The following SZT2 variants were observed in gnomAD, a reference collection of about 807,000 sequenced individuals.
The protein encoded by SZT2 is KICSTOR complex protein SZT2.
Under a neutral mutation model 404.2 loss-of-function variants are expected in SZT2, and 216 were observed. The ratio of observed to expected loss-of-function variants is 0.53; its 90% CI spans 0.48 to 0.60. SZT2 has a LOEUF of 0.60. Ranked by LOEUF, SZT2 falls within the 20% of genes least tolerant of loss-of-function variation. The pLI is 0.00. For synonymous variants in SZT2, 1,693 were observed against 1,749.9 expected (o/e 0.97, Z 0.81); for missense variants, 3,857 against 4,459.2 (o/e 0.86, Z 3.85).
At chr1:43,410,847 C>T (rs1000525536) in intron 4 of SZT2, among the ~76,000 whole-genome samples, 55 of 148,280 alleles carry the variant, frequency 3.7e-4, no homozygotes, top group Non-Finnish European at 5.9e-4. Context: ...CAGTGTATGG[C>T]GAGGAACGGG....
rs1655305635 is a variant in SZT2, at chr1:43,443,449, C to T, written c.8597C>T (p.Pro2866Leu). The stretch of plus-strand genomic sequence containing the variant: ...CCAGCTGCCTGGCTGCATGGGCCCC[C>T]AGAGACCTCTGGACCCCCTGACGGG... ...FDPAAWLHGP[P>L]ETSGPPDGQR... is the part of the protein sequence containing the mutation. The change falls in exon 61 of 72, where the codon CCA (proline) becomes CTA (leucine). Residue 2866 changes from proline (P) to leucine (L), a missense_variant. This residue lies in a region of SZT2 where 717 missense variants were observed against 868.2 expected (regional missense o/e 0.83). Coordinates refer to ENST00000634258, the MANE Select transcript of SZT2 (RefSeq NM_001365999.1). 1 of 1,614,238 alleles carries T rather than the reference C, an allele frequency of 6.2e-7. No homozygotes were observed. The highest frequency in any genetic ancestry group is 8.5e-7 in the Non-Finnish European group (1 of 1,180,032).
Position 43,430,442 on chromosome 1 carries a change from T to A in SZT2, c.4480+53T>A, listed in dbSNP as rs1036368356. The A allele has an allele frequency of 2.5e-6, 4 of 1,604,434 alleles. No individual in the cohort carries two copies. The African/African-American group carries it at 5.4e-5, about 21-fold the overall frequency. On this transcript the variant is annotated intron_variant, in intron 31 of 71. Transcript: ENST00000634258. ...GAAGGCTGGCTGCTTCACGCCGAGA[T>A]TCAAGGGTTCCACTGCCAGCCTCTC...
At position 43,441,830 on chromosome 1, in the gene SZT2, T is replaced by G. The variant is rs1655090399; in HGVS notation, c.7742+12T>G. ...TTTGAGCAGCATTTGTGAGTGTAGA[T>G]CCTATAGAATTGAAGGGAACTCCCC... On this transcript the variant is annotated intron_variant, in intron 55 of 71. Transcript: ENST00000634258. The surrounding 1 kb of genome is among the most constrained non-coding windows in gnomAD (Gnocchi z 4.8). The G allele has an allele frequency of 6.2e-7, 1 of 1,613,650 alleles. No individual in the cohort carries two copies. The highest frequency in any genetic ancestry group is 8.5e-7 in the Non-Finnish European group (1 of 1,179,708).
chr1:43,413,386 A>G (rs1348709785), intron 4 of SZT2, among the ~76,000 whole-genome samples: 2 of 152,198 alleles, frequency 1.3e-5, no homozygotes, highest in African/African-American at 4.8e-5. Context: ...CATCTCAAAC[A>G]AAAAACAAAA....
Position 43,453,815 on chromosome 1 carries a change from C to T in SZT2, c.*3335C>T, listed in dbSNP as rs182798940. 83,850 of 1,232,784 alleles carry T rather than the reference C, an allele frequency of 0.068. 3,141 individuals carry two copies. Among genetic ancestry groups the T allele is most frequent in the Middle Eastern group, 0.083 (264 of 3,192 alleles). 76.4% of individuals were successfully genotyped at this position (1,232,784 alleles called of 1,614,324 possible). A position where few individuals can be genotyped will look rare whatever the true frequency, so the allele number is the denominator to read the frequency against. Reference sequence around the variant, plus strand: ...CCATGCCTGGGGAGGCCGGGCCGGGCGGAGTCCGCGGGATCCAAAGGCGGC... The same window carrying T: ...CCATGCCTGGGGAGGCCGGGCCGGGTGGAGTCCGCGGGATCCAAAGGCGGC... On this transcript the variant is annotated 3_prime_UTR_variant, in exon 72 of 72. Transcript: ENST00000634258.
In SZT2 at chr1:43,440,015, C is replaced by T. The variant is rs1274030036; in HGVS notation, c.7177C>T (p.Pro2393Ser). The T allele has an allele frequency of 1.9e-6, 3 of 1,613,952 alleles. No individual in the cohort carries two copies. Among genetic ancestry groups the T allele is most frequent in the Non-Finnish European group, 1.7e-6 (2 of 1,179,980 alleles). Residue 2393 changes from proline (P) to serine (S), a missense_variant, in exon 51 of 72, where the codon CCA becomes TCA. Physicochemically the swap from Pro to Ser is moderately conservative, Grantham distance 74. Around this residue, in one of 7 missense-constraint regions of SZT2, gnomAD observed 573 missense variants for 592.4 expected, o/e 0.97. Transcript: ENST00000634258. ...ADAIIELQLL[P>S]ASLCTEDTPT... ...TGCCATCATCGAGCTTCAGCTGCTGCCAGCTTCACTATGTACAGAGGACAC... is the reference window on the plus strand; with the variant it reads ...TGCCATCATCGAGCTTCAGCTGCTGTCAGCTTCACTATGTACAGAGGACAC...
intron 4 of SZT2, among the ~76,000 whole-genome samples, chr1:43,413,481 A>T (rs1025761749): frequency 1.6e-4 from 24 of 152,340 alleles, no homozygotes; most frequent in Admixed American, 1.2e-3. Flanking sequence ...AAATCAGTAT[A>T]TGGAAGAGAT....
chr1:43,438,879 T>A, intron 47 of SZT2, 50 bp from the exon 48 acceptor site: 1 of 1,613,356 alleles, frequency 6.2e-7, no homozygotes, highest in Non-Finnish European at 8.5e-7. Flanking sequence ...CAGGACAGTC[T>A]AGGCTGGAAC....
At chr1:43,444,405 T>A (rs1655435967) in intron 62 of SZT2, among the ~76,000 whole-genome samples, 1 of 152,124 alleles carries the variant, frequency 6.6e-6, no homozygotes, top group Non-Finnish European at 1.5e-5. Context: ...CCTGCACATG[T>A]GAATCTTGTA....
intron 1 of SZT2, among the ~76,000 whole-genome samples, chr1:43,401,345 A>G (rs1460408265): frequency 6.6e-6 from 1 of 152,206 alleles, no homozygotes; most frequent in Non-Finnish European, 1.5e-5. Flanking sequence ...ACAAAGGAGG[A>G]CATTGAAGCT....
At chr1:43,443,132 CTG>C (rs766745859) in intron 59 of SZT2, 46 bp downstream of exon 59, 2 of 1,613,158 alleles carry the variant, frequency 1.2e-6, no homozygotes, top group Admixed American at 3.3e-5. Context: ...TCTGTGGAGT[CTG>C]GGAGGAAGGG....
chr1:43,396,359 C>T (rs1345840663), intron 1 of SZT2, among the ~76,000 whole-genome samples: 1 of 152,196 alleles, frequency 6.6e-6, no homozygotes, highest in Non-Finnish European at 1.5e-5. Context: ...GTCAGATTCT[C>T]CCTGTGTGGC....
rs1367298410 is a variant in SZT2 at position 43,439,108 on chromosome 1, ATC to A, written c.6792+22_6792+23del. On this transcript the variant is annotated intron_variant, in intron 48 of 71. Transcript: ENST00000634258. The surrounding 1 kb of genome is among the most constrained non-coding windows in gnomAD (Gnocchi z 4.2). ...ACCACTTCCAAGTGAGATGGCACTC[ATC>A]TCTCTCCACACTCATGTGCACCCCT... The A allele has an allele frequency of 2.2e-5, 36 of 1,613,880 alleles. No homozygotes were observed. The highest frequency in any genetic ancestry group is 1.6e-4 in the Middle Eastern group (1 of 6,062).
chr1:43,431,922 T>C (rs770216645), intron 36 of SZT2, 21 bp downstream of exon 36: 47 of 1,613,310 alleles, frequency 2.9e-5, no homozygotes, highest in Non-Finnish European at 3.7e-5. Flanking sequence ...CTCCAAACAC[T>C]GCAGGGTCAC....
Position 43,453,135 on chromosome 1 carries a change from C to T in SZT2, c.*2655C>T. ...AAATGCATCACTGTATATATTTACTCTCCTATCTGCCTAGGCAGACTGAGC... is the reference window on the plus strand; with the variant it reads ...AAATGCATCACTGTATATATTTACTTTCCTATCTGCCTAGGCAGACTGAGC... On this transcript the variant is annotated 3_prime_UTR_variant, in exon 72 of 72. Transcript: ENST00000634258. The T allele has an allele frequency of 4.3e-6, 3 of 695,310 alleles. No individual in the cohort carries two copies. Among genetic ancestry groups the T allele is most frequent in the South Asian group, 1.7e-5 (1 of 59,700 alleles). The allele number at this position is 695,310 out of a possible 1,614,324, so 43.1% of individuals were successfully genotyped here.
chr1:43,435,981 A>G (rs1654419297), intron 42 of SZT2: 1 of 152,192 alleles, frequency 6.6e-6, no homozygotes, highest in Non-Finnish European at 1.5e-5. Flanking sequence ...GGCCAGTAGA[A>G]TTGCCTTCTG....
In SZT2 at chr1:43,453,654, G is replaced by A. The variant is rs1341648574; in HGVS notation, c.*3174G>A. ...CGCTTCTCGCGCGGCGCGCGCCAGC[G>A]CCTCAGGCGTCTCCGCGTACGGCCA... On this transcript the variant is annotated 3_prime_UTR_variant, in exon 72 of 72. Coordinates refer to ENST00000634258, the MANE Select transcript of SZT2 (RefSeq NM_001365999.1). 3.4e-6 allele frequency: 5 copies of A among 1,486,392 alleles called. No homozygotes were observed. The highest frequency in any genetic ancestry group is 4.7e-5 in the Admixed American group (2 of 42,334). The allele number at this position is 1,486,392 out of a possible 1,614,324, so 92.1% of individuals were successfully genotyped here. A position where few individuals can be genotyped will look rare whatever the true frequency, so the allele number is the denominator to read the frequency against.
chr1:43,450,747 T>G lies in SZT2; in HGVS notation c.*267T>G. 1 of 698,126 alleles carries G rather than the reference T, an allele frequency of 1.4e-6. No homozygotes were observed. The highest frequency in any genetic ancestry group is 1.6e-5 in the South Asian group (1 of 64,442). 43.2% of individuals were successfully genotyped at this position (698,126 alleles called of 1,614,324 possible). ...GAGGACCCCTTGGGCCCTTCTGGGG[T>G]ACTCCTTTCGGCCCCCCTGGTAGAG... On this transcript the variant is annotated 3_prime_UTR_variant, in exon 72 of 72. Transcript: ENST00000634258. This position sits in a 1 kb window ranked among gnomAD's most constrained non-coding sequence, Gnocchi z 4.3.
Position 43,437,218 on chromosome 1 carries a change from A to G in SZT2, c.6082A>G (p.Thr2028Ala), listed in dbSNP as rs748375328. The change falls in exon 43 of 72, where the codon ACA becomes GCA. Residue 2028 changes from threonine to alanine, a missense_variant. Physicochemically the swap from Thr to Ala is moderately conservative, Grantham distance 58. Transcript: ENST00000634258. The surrounding 1 kb of genome is among the most constrained non-coding windows in gnomAD (Gnocchi z 5.3). ...TGCGCCCCGTGGGTACCTGGCAGCCACAATGCAGTTTGTCCCTGGCCATTT... is the reference window on the plus strand; with the variant it reads ...TGCGCCCCGTGGGTACCTGGCAGCCGCAATGCAGTTTGTCCCTGGCCATTT... ...SCAPRGYLAATMQFVPGHFSC... is the reference protein window; with the variant it reads ...SCAPRGYLAAAMQFVPGHFSC... The G allele has an allele frequency of 1.2e-6, 2 of 1,614,170 alleles. No homozygotes were observed. The highest frequency in any genetic ancestry group is 1.1e-5 in the South Asian group (1 of 91,076).
Sources: allele counts gnomAD v4.1 joint callset (sites outside exome capture counted in the v4.1 genomes callset), GRCh38; gene constraint gnomAD v4.1.1; regional missense constraint gnomAD v4.1.1; non-coding constraint Gnocchi (gnomAD v3.1); transcripts MANE v1.5; gene names NCBI Gene and HGNC (gene_info 2026-07-23, HGNC 2026-07-21).